Variants in NLGN1 observed in about 807,000 individuals in gnomAD.
NLGN1 encodes the protein neuroligin-1.
A neutral mutation model predicts 65.5 loss-of-function variants in NLGN1; 12 were observed. That is an observed-to-expected ratio of 0.18 (90% CI 0.12 to 0.30). The LOEUF (loss-of-function observed/expected upper bound fraction) is 0.30, where lower values mean the gene tolerates loss of function less well. NLGN1 is among the 10% of genes least tolerant of loss of function. The pLI, the probability that NLGN1 is intolerant of heterozygous loss-of-function variation, is 1.00. For synonymous variants in NLGN1, 350 were observed against 359.5 expected (o/e 0.97, Z 0.30); for missense variants, 750 against 1,007.1 (o/e 0.74, Z 3.46).
At chr3:173,468,293 C>G (rs1443251947) in intron 2 of NLGN1, among the ~76,000 whole-genome samples, 3 of 152,074 alleles carry the variant, frequency 2.0e-5, no homozygotes, top group Non-Finnish European at 4.4e-5. Context: ...CATATATTCT[C>G]TCAGTGAATC....
intron 2 of NLGN1, among the ~76,000 whole-genome samples, chr3:173,582,494 C>T (rs1016390735): frequency 6.6e-6 from 1 of 152,012 alleles, no homozygotes; most frequent in South Asian, 2.1e-4. Flanking sequence ...CTGCCAATTT[C>T]ATGACTGGGA....
chr3:173,510,341 T>C (rs1326583549), intron 2 of NLGN1, among the ~76,000 whole-genome samples: 2 of 152,116 alleles, frequency 1.3e-5, no homozygotes, highest in African/African-American at 2.4e-5. Context: ...GCAGGTGATA[T>C]CATCACTGTC....
At chr3:174,160,545 C>T in intron 4 of NLGN1, among the ~76,000 whole-genome samples, 1 of 151,554 alleles carries the variant, frequency 6.6e-6, no homozygotes, top group Non-Finnish European at 1.5e-5. Flanking sequence ...CTCATTTCTT[C>T]ATATTCATCC....
At chr3:173,570,770 C>G (rs1267693461) in intron 2 of NLGN1, among the ~76,000 whole-genome samples, 1 of 152,182 alleles carries the variant, frequency 6.6e-6, no homozygotes, top group African/African-American at 2.4e-5. Flanking sequence ...GTGGCGTGAT[C>G]TTGGCTTACT....
At chr3:174,265,894 ATGTATATATG>A (rs1490226386) in intron 4 of NLGN1, among the ~76,000 whole-genome samples, 6 of 140,790 alleles carry the variant, frequency 4.3e-5, no homozygotes, top group East Asian at 2.0e-4. Context: ...ATACGTATAT[ATGTATATATG>A]TGTATATATG....
At chr3:173,754,400 G>A (rs559756415) in intron 3 of NLGN1, among the ~76,000 whole-genome samples, 4 of 152,190 alleles carry the variant, frequency 2.6e-5, no homozygotes, top group Admixed American at 1.3e-4. Context: ...TGTACTACAT[G>A]AAATTGCAAT....
chr3:174,062,845 G>T (rs960298004), intron 4 of NLGN1, among the ~76,000 whole-genome samples: 3 of 151,966 alleles, frequency 2.0e-5, no homozygotes, highest in East Asian at 3.9e-4. Context: ...ATTTAACAGT[G>T]ATTTAAATAT....
chr3:174,199,547 T>C (rs1234850443), intron 4 of NLGN1, among the ~76,000 whole-genome samples: 3 of 151,834 alleles, frequency 2.0e-5, no homozygotes, highest in Non-Finnish European at 2.9e-5. Context: ...TGAGGGTCCT[T>C]TTCAAGAGGA....
At chr3:174,282,219 A>AGAAAT in exon 7 of NLGN1, 1 of 152,294 alleles carries the variant, frequency 6.6e-6, no homozygotes, top group African/African-American at 2.4e-5. Context: ...GATAATTTAT[A>AGAAAT]GAAATATAAC....
intron 3 of NLGN1, among the ~76,000 whole-genome samples, chr3:173,723,223 C>T (rs1489481352): frequency 1.3e-5 from 2 of 152,112 alleles, no homozygotes; most frequent in Admixed American, 1.3e-4. Context: ...TATATGGGCC[C>T]TGTGGAACAT....
chr3:174,221,907 A>G (rs1738737439), intron 4 of NLGN1, among the ~76,000 whole-genome samples: 1 of 151,822 alleles, frequency 6.6e-6, no homozygotes, highest in East Asian at 1.9e-4. Flanking sequence ...AATGTTGCTC[A>G]TGTTTTTTGT....
At chr3:174,233,185 T>TA (rs1266903882) in intron 4 of NLGN1, among the ~76,000 whole-genome samples, 8 of 152,000 alleles carry the variant, frequency 5.3e-5, no homozygotes, top group African/African-American at 1.9e-4. Context: ...TGTGCTCCAG[T>TA]AAAAAAAGTT....
chr3:173,977,500 G>A (rs1339318560), intron 4 of NLGN1, among the ~76,000 whole-genome samples: 1 of 152,010 alleles, frequency 6.6e-6, no homozygotes, highest in African/African-American at 2.4e-5. Context: ...ATACGTTAAG[G>A]AGTTTCTTAA....
At chr3:173,682,334 A>T (rs1321631502) in intron 3 of NLGN1, among the ~76,000 whole-genome samples, 1 of 152,096 alleles carries the variant, frequency 6.6e-6, no homozygotes, top group Non-Finnish European at 1.5e-5. Context: ...TCACGCCTGT[A>T]ATCCCAGCAC....
At chr3:173,528,262 T>C (rs1409909120) in intron 2 of NLGN1, among the ~76,000 whole-genome samples, 1 of 152,150 alleles carries the variant, frequency 6.6e-6, no homozygotes, top group Admixed American at 6.6e-5. Flanking sequence ...AATTTTTTCT[T>C]TAAGGAGGCT....
rs369141035 is a variant in NLGN1, at chr3:173,700,863, A to C, written c.493+95772A>C. Among the ~76,000 whole-genome samples, 146 of 152,144 alleles carry C rather than the reference A, an allele frequency of 9.6e-4. No individual in the cohort carries two copies. In the East Asian group the frequency reaches 0.011, roughly 12 times the overall value. ...CAGAAAGGCCGGGCACGGTGGCTCA[A>C]GCCTGTAATCCCAGCACTTTGGGAG... On this transcript the variant is annotated intron_variant, in intron 3 of 6. Coordinates refer to ENST00000457714, the Ensembl canonical transcript of NLGN1.
intron 4 of NLGN1, among the ~76,000 whole-genome samples, chr3:173,922,720 A>G (rs968108613): frequency 2.6e-5 from 4 of 152,234 alleles, no homozygotes; most frequent in Admixed American, 2.6e-4. Context: ...ACAGTTAACT[A>G]CTTTGGCTTC....
intron 4 of NLGN1, among the ~76,000 whole-genome samples, chr3:173,845,325 A>G (rs992733349): frequency 4.6e-5 from 7 of 152,174 alleles, no homozygotes; most frequent in African/African-American, 1.4e-4. Context: ...GACCATCAAT[A>G]TATGGCTTGT....
intron 4 of NLGN1, among the ~76,000 whole-genome samples, chr3:173,957,100 A>G (rs1712267188): frequency 6.6e-6 from 1 of 152,164 alleles, no homozygotes; most frequent in Non-Finnish European, 1.5e-5. Flanking sequence ...AAAAATTTGG[A>G]GGGTAAAGTG....
Sources: allele counts gnomAD v4.1 joint callset (sites outside exome capture counted in the v4.1 genomes callset), GRCh38; gene constraint gnomAD v4.1.1; transcripts MANE v1.5; gene names NCBI Gene and HGNC (gene_info 2026-07-23, HGNC 2026-07-21).